The following CDK14 variants were observed in gnomAD, a reference collection of about 807,000 sequenced individuals.
CDK14 encodes cyclin-dependent kinase 14.
In CDK14, 34 loss-of-function variants were observed where a neutral mutation model predicts 60.7. The ratio of observed to expected loss-of-function variants is 0.56; its 90% CI spans 0.43 to 0.75. The LOEUF is 0.75. Ranked by LOEUF, CDK14 falls within the 30% of genes least tolerant of loss-of-function variation. The pLI is 0.00. For synonymous variants in CDK14, 197 were observed against 203.7 expected (o/e 0.97, Z 0.28); for missense variants, 482 against 564.1 (o/e 0.85, Z 1.47).
chr7:91,125,007 G>A (rs1252534661), intron 14 of CDK14, among the ~76,000 whole-genome samples: 1 of 152,166 alleles, frequency 6.6e-6, no homozygotes, highest in East Asian at 1.9e-4. Context: ...TTTGTGGTCT[G>A]CTGATACTCT....
intron 8 of CDK14, among the ~76,000 whole-genome samples, chr7:90,942,486 A>G (rs1193583585): frequency 6.6e-6 from 1 of 152,226 alleles, no homozygotes; most frequent in Non-Finnish European, 1.5e-5. Context: ...ATCACAACCA[A>G]CAGTCCCACA....
chr7:91,123,713 T>A (rs994546065), intron 14 of CDK14, among the ~76,000 whole-genome samples: 3 of 152,044 alleles, frequency 2.0e-5, no homozygotes, highest in African/African-American at 4.8e-5. Context: ...TTGTCCCTTC[T>A]CTGCCTCTCC....
intron 8 of CDK14, among the ~76,000 whole-genome samples, chr7:90,922,104 AC>A (rs1336348939): frequency 6.6e-6 from 1 of 152,184 alleles, no homozygotes; most frequent in Non-Finnish European, 1.5e-5. Context: ...GAAGGTACAG[AC>A]CTTTACCTAT....
chr7:91,034,157 T>G (rs985133710), intron 10 of CDK14, among the ~76,000 whole-genome samples: 7 of 152,106 alleles, frequency 4.6e-5, no homozygotes, highest in African/African-American at 1.4e-4. Flanking sequence ...GGCTGAAAAC[T>G]TTTTTTAAAA....
At chr7:91,159,222 A>T (rs1801090825) in intron 14 of CDK14, among the ~76,000 whole-genome samples, 1 of 152,230 alleles carries the variant, frequency 6.6e-6, no homozygotes, top group Non-Finnish European at 1.5e-5. Flanking sequence ...CAAATTGTGG[A>T]AACAATTTTG....
intron 8 of CDK14, 135 bp downstream of exon 8, chr7:90,917,859 A>AT (rs897082586): frequency 3.9e-5 from 32 of 827,672 alleles, no homozygotes; most frequent in Admixed American, 2.0e-4. Flanking sequence ...GAAATGAAGG[A>AT]TTTTTTCTTT....
intron 3 of CDK14, among the ~76,000 whole-genome samples, chr7:90,740,322 G>A (rs1484507858): frequency 6.6e-6 from 1 of 151,934 alleles, no homozygotes; most frequent in Non-Finnish European, 1.5e-5. Context: ...GTGTGTGTGT[G>A]TTATGGGCTG....
intron 3 of CDK14, among the ~76,000 whole-genome samples, chr7:90,736,644 C>T (rs1418828621): frequency 6.6e-6 from 1 of 151,930 alleles, no homozygotes; most frequent in African/African-American, 2.4e-5. Flanking sequence ...TTTATTTTAT[C>T]ATTATTTCTT....
intron 2 of CDK14, among the ~76,000 whole-genome samples, chr7:90,713,155 G>GT (rs937418727): frequency 1.2e-4 from 18 of 152,048 alleles, no homozygotes; most frequent in African/African-American, 4.1e-4. Context: ...ACAGCTTTCT[G>GT]TTTCTCAGAT....
intron 2 of CDK14, 30 bp downstream of exon 2, chr7:90,604,279 A>G (rs199533375): frequency 2.8e-6 from 4 of 1,407,672 alleles, no homozygotes; most frequent in South Asian, 1.3e-5. Flanking sequence ...CTAATGTTAG[A>G]TGTATTTAAT....
chr7:90,908,847 A>G (rs1342555510), intron 7 of CDK14, among the ~76,000 whole-genome samples: 1 of 152,174 alleles, frequency 6.6e-6, no homozygotes, highest in Non-Finnish European at 1.5e-5. Context: ...CCTATTTGAA[A>G]TTAGTTTTTC....
chr7:91,209,880 A>G lies in CDK14; in HGVS notation c.*2744A>G, dbSNP rs1193846681. On this transcript the variant is annotated 3_prime_UTR_variant, in exon 15 of 15. Transcript: ENST00000380050. ...AAGCGATTTCTACCTCGCAAGAGTGACTAGAAAGTTTCTAGGAGCACCTCC... is the reference window on the plus strand; with the variant it reads ...AAGCGATTTCTACCTCGCAAGAGTGGCTAGAAAGTTTCTAGGAGCACCTCC... 2.0e-5 allele frequency: 3 copies of G among 152,640 alleles called. No individual in the cohort carries two copies. The highest frequency in any genetic ancestry group is 3.8e-4 in the East Asian group (2 of 5,200). 9.5% of individuals were successfully genotyped at this position (152,640 alleles called of 1,614,324 possible). A position where few individuals can be genotyped will look rare whatever the true frequency, so the allele number is the denominator to read the frequency against.
At chr7:91,202,688 G>A (rs999947242) in intron 14 of CDK14, among the ~76,000 whole-genome samples, 4 of 152,148 alleles carry the variant, frequency 2.6e-5, no homozygotes, top group African/African-American at 4.8e-5. Context: ...GGGACATCCC[G>A]TGCTGCTGGC....
chr7:90,709,639 T>C (rs778856546), intron 2 of CDK14: 1 of 1,540,916 alleles, frequency 6.5e-7, no homozygotes, highest in Non-Finnish European at 8.9e-7. Context: ...GAAAAAAAAA[T>C]TAGATTTTTT....
chr7:90,976,043 G>C (rs981366509), intron 9 of CDK14, among the ~76,000 whole-genome samples: 11 of 151,988 alleles, frequency 7.2e-5, no homozygotes, highest in Admixed American at 1.3e-4. Flanking sequence ...CTTTTCCTTT[G>C]GATAAATTCC....
chr7:90,701,838 A>T (rs1436259123), intron 2 of CDK14, among the ~76,000 whole-genome samples: 4 of 152,198 alleles, frequency 2.6e-5, no homozygotes, highest in African/African-American at 7.2e-5. Flanking sequence ...TCTCCATGTT[A>T]TCAGTGCTGT....
chr7:90,946,099 G>A (rs886664311), intron 8 of CDK14, among the ~76,000 whole-genome samples: 14 of 152,110 alleles, frequency 9.2e-5, no homozygotes, highest in African/African-American at 3.4e-4. Context: ...AGAACTTTGG[G>A]CCTCAGTTTA....
At chr7:90,925,626 CT>C (rs1793394385) in intron 8 of CDK14, among the ~76,000 whole-genome samples, 1 of 152,138 alleles carries the variant, frequency 6.6e-6, no homozygotes, top group South Asian at 2.1e-4. Context: ...ACTTGGAAGG[CT>C]GAAGCAGTAG....
intron 2 of CDK14, among the ~76,000 whole-genome samples, chr7:90,627,406 T>TCTGA (rs1315833682): frequency 2.6e-5 from 4 of 152,084 alleles, no homozygotes; most frequent in African/African-American, 9.7e-5. Context: ...GAGACAGAGG[T>TCTGA]CTGACTGTGT....
Sources: gnomAD v4.1 joint callset for allele counts (sites outside exome capture counted in the v4.1 genomes callset) on GRCh38, gnomAD v4.1.1 for gene constraint, MANE v1.5 for transcripts, NCBI Gene and HGNC (gene_info 2026-07-23, HGNC 2026-07-21) for gene names.